DNAH8: variants seen among roughly 807,000 people sequenced by gnomAD.
DNAH8 encodes the protein dynein axonemal heavy chain 8.
DNAH8 carries 382 observed loss-of-function variants against 562.1 expected under a neutral mutation model. That is an observed-to-expected ratio of 0.68 (90% CI 0.63 to 0.74). The LOEUF (loss-of-function observed/expected upper bound fraction) is 0.74, where lower values mean the gene tolerates loss of function less well. Among genes scored for constraint, DNAH8 ranks in the 30% least tolerant of loss-of-function variants. The probability of loss-of-function intolerance (pLI) is 0.00; values close to 1 mark genes in which losing one functional copy is unlikely to be tolerated. For synonymous variants in DNAH8, 1,881 were observed against 1,919.4 expected (o/e 0.98, Z 0.52); for missense variants, 5,203 against 5,620.4 (o/e 0.93, Z 2.37).
chr6:38,804,193 AATCCCCTTT>A (rs1314721139), intron 22 of DNAH8, among the ~76,000 whole-genome samples: 2 of 152,186 alleles, frequency 1.3e-5, no homozygotes, highest in Non-Finnish European at 2.9e-5. Context: ...GTTGAATTTG[AATCCCCTTT>A]ATCAGGGGCA....
At chr6:38,874,068 T>TTCTTTCTTTCTTTCTTTCTTTC (rs377254876) in intron 52 of DNAH8, among the ~76,000 whole-genome samples, 2 of 57,062 alleles carry the variant, frequency 3.5e-5, no homozygotes, top group African/African-American at 6.4e-5. Context: ...CTTTCTTTCT[T>TTCTTTCTTTCTTTCTTTCTTTC]TTTCTTTCTT....
At chr6:38,824,459 G>A (rs1773138583) in intron 28 of DNAH8, among the ~76,000 whole-genome samples, 1 of 152,160 alleles carries the variant, frequency 6.6e-6, no homozygotes, top group African/African-American at 2.4e-5. Context: ...AACTGATGTT[G>A]ACTTGGTCTA....
At chr6:38,812,195 C>T (rs564212032) in intron 24 of DNAH8, among the ~76,000 whole-genome samples, 3 of 152,304 alleles carry the variant, frequency 2.0e-5, no homozygotes, top group East Asian at 3.9e-4. Flanking sequence ...CCCACGGTCA[C>T]TGCCTCTTTC....
chr6:38,849,840 G>T (rs1266829030), intron 37 of DNAH8, among the ~76,000 whole-genome samples: 1 of 151,892 alleles, frequency 6.6e-6, no homozygotes, highest in Non-Finnish European at 1.5e-5. Context: ...CCGCCTTGGG[G>T]TACTATTGAG....
At chr6:38,989,824 G>A (rs562439043) in intron 87 of DNAH8, among the ~76,000 whole-genome samples, 188 bp from the exon 88 acceptor site, 64 of 152,232 alleles carry the variant, frequency 4.2e-4, no homozygotes, top group African/African-American at 1.5e-3. Flanking sequence ...AGGTCAAATT[G>A]TGTTCTGGAC....
chr6:38,894,969 C>A, intron 59 of DNAH8, 105 bp downstream of exon 59: 1 of 1,218,440 alleles, frequency 8.2e-7, no homozygotes, highest in Non-Finnish European at 1.1e-6. Context: ...GCTCTTGTTG[C>A]CCAGGCTGGA....
intron 85 of DNAH8, among the ~76,000 whole-genome samples, chr6:38,978,329 C>T (rs759424297): frequency 6.6e-6 from 1 of 152,162 alleles, no homozygotes; most frequent in Middle Eastern, 3.2e-3. Context: ...AACAGTTCTT[C>T]ATTCGGAAAA....
At chr6:38,909,445 T>C (rs933049628) in intron 64 of DNAH8, 73 bp from the exon 65 acceptor site, 2 of 1,366,744 alleles carry the variant, frequency 1.5e-6, no homozygotes, top group African/African-American at 2.9e-5. Flanking sequence ...TTGGGTCAGA[T>C]TGCGTAAATC....
At chr6:38,902,983 G>A (rs1409792642) in intron 62 of DNAH8, among the ~76,000 whole-genome samples, 1 of 152,126 alleles carries the variant, frequency 6.6e-6, no homozygotes, top group Non-Finnish European at 1.5e-5. Context: ...CTTTTATACT[G>A]TATTTTTACT....
intron 57 of DNAH8, among the ~76,000 whole-genome samples, chr6:38,888,336 AG>A (rs1219824966): frequency 2.0e-5 from 3 of 152,188 alleles, no homozygotes; most frequent in African/African-American, 4.8e-5. Flanking sequence ...TGAGTAGGAA[AG>A]GATTTCATAA....
In DNAH8 at chr6:38,814,085, A is replaced by G. The variant is rs147941001; in HGVS notation, c.3289A>G (p.Ile1097Val). The G allele has an allele frequency of 7.4e-5, 118 of 1,593,294 alleles. 4 individuals carry two copies. The Middle Eastern group carries it at 5.5e-3, about 74-fold the overall frequency. The change falls in exon 25 of 93, where the codon ATT becomes GTT. Residue 1097 changes from isoleucine to valine, a missense_variant. Ile to Val is a conservative substitution (Grantham distance 29). Around this residue, in one of 6 missense-constraint regions of DNAH8, gnomAD observed 2,176 missense variants for 2,365.1 expected, o/e 0.92. Coordinates refer to ENST00000327475, the MANE Select transcript of DNAH8 (RefSeq NM_001206927.2). Reference sequence around the variant, plus strand: ...TGGGCGAAAGCAGTCAGAAGATATTATTTCCTTTATAAAAAGTGAAGTACA... The same window carrying G: ...TGGGCGAAAGCAGTCAGAAGATATTGTTTCCTTTATAAAAAGTGAAGTACA... ...LYGRKQSEDIISFIKSEVHLA... is the reference protein window; with the variant it reads ...LYGRKQSEDIVSFIKSEVHLA...
At chr6:38,957,899 A>G (rs1296024523) in intron 82 of DNAH8, among the ~76,000 whole-genome samples, 2 of 151,798 alleles carry the variant, frequency 1.3e-5, no homozygotes, top group South Asian at 2.1e-4. Flanking sequence ...AAGATCACAA[A>G]TAACCTAATG....
chr6:38,953,366 G>T (rs1391958071), intron 82 of DNAH8, among the ~76,000 whole-genome samples: 2 of 152,152 alleles, frequency 1.3e-5, no homozygotes, highest in Non-Finnish European at 2.9e-5. Flanking sequence ...GTTGTAATTT[G>T]AGAACATAAT....
At chr6:38,742,888 T>G (rs1474839630) in intron 8 of DNAH8, among the ~76,000 whole-genome samples, 2 of 152,044 alleles carry the variant, frequency 1.3e-5, no homozygotes, top group African/African-American at 4.8e-5. Context: ...ATTAAATAAA[T>G]GTCATAGCAT....
intron 53 of DNAH8, among the ~76,000 whole-genome samples, chr6:38,879,624 A>C (rs1778308387): frequency 6.6e-6 from 1 of 152,174 alleles, no homozygotes; most frequent in African/African-American, 2.4e-5. Context: ...ACAACTAAAT[A>C]CTTCCTTCCC....
At chr6:38,959,700 A>T (rs1284496079) in intron 82 of DNAH8, among the ~76,000 whole-genome samples, 1 of 152,140 alleles carries the variant, frequency 6.6e-6, no homozygotes, top group Admixed American at 6.5e-5. Flanking sequence ...TACCCAAAGC[A>T]ATCTGCAGAT....
chr6:38,924,310 A>G, intron 73 of DNAH8, 148 bp downstream of exon 73: 1 of 700,392 alleles, frequency 1.4e-6, no homozygotes. Flanking sequence ...CAGGAGTTCA[A>G]GACCAGCCTA....
Position 38,750,626 on chromosome 6 carries a change from G to A in DNAH8, c.1407+37G>A, listed in dbSNP as rs56148146. The A allele has an allele frequency of 0.24, 305,906 of 1,284,440 alleles. 40,004 individuals are homozygous for A. Among genetic ancestry groups the A allele is most frequent in the Non-Finnish European group, 0.28 (249,578 of 896,170 alleles). 79.6% of individuals were successfully genotyped at this position (1,284,440 alleles called of 1,614,324 possible). A position where few individuals can be genotyped will look rare whatever the true frequency, so the allele number is the denominator to read the frequency against. ...TTTAAAGTACAATTTTAAACTGAGG[G>A]CAGTGGCTCGCATCTGTGATTCTAG... On this transcript the variant is annotated intron_variant, in intron 9 of 92. Transcript: ENST00000327475.
Position 39,012,560 on chromosome 6 carries a change from G to T in DNAH8, c.13637G>T (p.Arg4546Ile), listed in dbSNP as rs1221140553. Residue 4546 changes from arginine (R) to isoleucine (I), a missense_variant, in exon 91 of 93, where the codon AGA (arginine) becomes ATA (isoleucine). By Grantham distance (97) the Arg-to-Ile change is moderately conservative. Coordinates refer to ENST00000327475, the MANE Select transcript of DNAH8 (RefSeq NM_001206927.2). ...TTCTGGTTCACTGAACTTTTGGAAA[G>T]AAATGCTCAGTTTTCTACGTGGATA... ...LGFWFTELLERNAQFSTWIFE... is the reference protein window; with the variant it reads ...LGFWFTELLEINAQFSTWIFE... The T allele has an allele frequency of 1.9e-6, 3 of 1,614,056 alleles. No homozygotes were observed. Among genetic ancestry groups the T allele is most frequent in the South Asian group, 1.1e-5 (1 of 91,080 alleles).
Sources: allele counts gnomAD v4.1 joint callset (sites outside exome capture counted in the v4.1 genomes callset), GRCh38; gene constraint gnomAD v4.1.1; regional missense constraint gnomAD v4.1.1; transcripts MANE v1.5; gene names NCBI Gene and HGNC (gene_info 2026-07-23, HGNC 2026-07-21).